SRRM3: variants seen among roughly 807,000 people sequenced by gnomAD.
SRRM3 encodes serine/arginine repetitive matrix 3.
A neutral mutation model predicts 66.2 loss-of-function variants in SRRM3; 27 were observed. The ratio of observed to expected loss-of-function variants is 0.41; its 90% CI spans 0.30 to 0.56. The LOEUF (loss-of-function observed/expected upper bound fraction) is 0.56, where lower values mean the gene tolerates loss of function less well. Among genes scored for constraint, SRRM3 ranks in the 20% least tolerant of loss-of-function variants. SRRM3 has a pLI of 0.32. For synonymous variants in SRRM3, 391 were observed against 414.9 expected (o/e 0.94, Z 0.70); for missense variants, 918 against 991.9 (o/e 0.93, Z 1.00).
chr7:76,240,622 A>T (rs1249264990), intron 2 of SRRM3, among the ~76,000 whole-genome samples: 1 of 119,736 alleles, frequency 8.4e-6, no homozygotes, highest in Non-Finnish European at 1.5e-5. Context: ...TCCATCTCAA[A>T]AAAAAAAAAA....
intron 1 of SRRM3, among the ~76,000 whole-genome samples, chr7:76,215,394 G>GTTT (rs1170079332): frequency 0.014 from 1,319 of 95,116 alleles, 90 homozygotes; most frequent in East Asian, 0.035. Context: ...GGAGCCCGCA[G>GTTT]TTTTTTTTTT....
intron 2 of SRRM3, among the ~76,000 whole-genome samples, chr7:76,247,515 C>T (rs1031470520): frequency 2.6e-5 from 4 of 152,076 alleles, no homozygotes; most frequent in Non-Finnish European, 5.9e-5. Flanking sequence ...CTCGAAAGAG[C>T]GACTGCAGTC....
Position 76,262,910 on chromosome 7 carries a change from G to C in SRRM3, c.674+1329G>C, listed in dbSNP as rs550626323. On this transcript the variant is annotated intron_variant, in intron 8 of 14. Transcript: ENST00000611745. Reference sequence around the variant, plus strand: ...GAGGAGAGCTCGGAAGGAAGTTGTGGGGCAGTCACATTCCAGAGGTGGCAT... The same window carrying C: ...GAGGAGAGCTCGGAAGGAAGTTGTGCGGCAGTCACATTCCAGAGGTGGCAT... Among the ~76,000 whole-genome samples, 5 of 152,270 alleles carry C rather than the reference G, an allele frequency of 3.3e-5. No homozygotes were observed. In the South Asian group the frequency reaches 1.0e-3, roughly 32 times the overall value.
rs781852712 is a variant in SRRM3, at chr7:76,263,877, C to CAAAAAA, written c.675-865_675-860dup. ...AACAGAGCGGGACTCTGTCTCAAGA[C>CAAAAAA]AAAAAAAAAAAAAAAAAAAAAAAAA... is the stretch of plus-strand genomic sequence containing the variant. On this transcript the variant is annotated intron_variant, in intron 8 of 14. Transcript: ENST00000611745. 1.7e-3 allele frequency among the ~76,000 whole-genome samples: 83 copies of CAAAAAA among 49,528 alleles called. 12 individuals carry two copies. The highest frequency in any genetic ancestry group is 4.2e-3 in the African/African-American group (70 of 16,618). 32.5% of individuals were successfully genotyped at this position (49,528 alleles called of 152,430 possible).
chr7:76,218,332 G>T (rs782121546), intron 1 of SRRM3, among the ~76,000 whole-genome samples: 19 of 152,154 alleles, frequency 1.2e-4, no homozygotes, highest in Non-Finnish European at 1.0e-4. Context: ...CACAGAGACC[G>T]CCACCTGCCA....
At position 76,260,040 on chromosome 7, in the gene SRRM3, C is replaced by T; in HGVS notation, c.464+6C>T. ...CGCGGCCACCGCGGGTACAGGTCAG[C>T]GGCCGCCGCGGCGGGGGTGGGGGGC... On this transcript the variant is annotated splice_donor_region_variant and intron_variant, in intron 4 of 14. Transcript: ENST00000611745. 1.3e-6 allele frequency: 2 copies of T among 1,518,132 alleles called. No homozygotes were observed. The highest frequency in any genetic ancestry group is 1.8e-6 in the Non-Finnish European group (2 of 1,139,740). The allele number at this position is 1,518,132 out of a possible 1,614,324, so 94.0% of individuals were successfully genotyped here.
chr7:76,251,098 G>A (rs782041443), intron 3 of SRRM3, among the ~76,000 whole-genome samples: 3 of 152,210 alleles, frequency 2.0e-5, no homozygotes, highest in Non-Finnish European at 4.4e-5. Flanking sequence ...GAGGAAGAGC[G>A]TGCTGCCGGC....
rs1211670148 is a variant in SRRM3, at chr7:76,287,277, T to G, written c.*1434T>G. On this transcript the variant is annotated 3_prime_UTR_variant, in exon 15 of 15. Coordinates refer to ENST00000611745, the MANE Select transcript of SRRM3 (RefSeq NM_001110199.3). ...AAAAATTGGACTCGAATAAAACCCT[T>G]GGTGCCCGGATGGTAGGTGGTGAGA... 6.6e-6 allele frequency: 1 copy of G among 152,590 alleles called. No homozygotes were observed. The highest frequency in any genetic ancestry group is 1.5e-5 in the Non-Finnish European group (1 of 68,164). The allele number at this position is 152,590 out of a possible 1,614,324, so 9.5% of individuals were successfully genotyped here.
At chr7:76,232,634 G>A (rs1801043422) in intron 1 of SRRM3, among the ~76,000 whole-genome samples, 1 of 152,050 alleles carries the variant, frequency 6.6e-6, no homozygotes, top group South Asian at 2.1e-4. Context: ...GCTTCCGGAA[G>A]GTGATAATGC....
At chr7:76,232,195 A>G (rs2116988986) in intron 1 of SRRM3, among the ~76,000 whole-genome samples, 1 of 152,250 alleles carries the variant, frequency 6.6e-6, no homozygotes, top group Middle Eastern at 3.4e-3. Context: ...CCCTCAGCCC[A>G]GGGGGAGCCA....
chr7:76,237,628 T>C (rs770312769), intron 2 of SRRM3, among the ~76,000 whole-genome samples: 4 of 152,108 alleles, frequency 2.6e-5, no homozygotes, highest in Non-Finnish European at 5.9e-5. Flanking sequence ...TGCGAAATTC[T>C]GTCTGGAGAG....
chr7:76,233,534 C>T (rs1294284737), intron 1 of SRRM3, among the ~76,000 whole-genome samples: 3 of 152,078 alleles, frequency 2.0e-5, no homozygotes, highest in African/African-American at 7.2e-5. Context: ...TGTGGAGTGT[C>T]CTGGGAAAAC....
chr7:76,223,272 C>G (rs78752858), intron 1 of SRRM3, among the ~76,000 whole-genome samples: 1 of 152,182 alleles, frequency 6.6e-6, no homozygotes, highest in Admixed American at 6.5e-5. Flanking sequence ...TCCTTACCCC[C>G]CCAGCCCCAC....
chr7:76,286,640 G>A lies in SRRM3; in HGVS notation c.*797G>A, dbSNP rs984393363. On this transcript the variant is annotated 3_prime_UTR_variant, in exon 15 of 15. Coordinates refer to ENST00000611745, the MANE Select transcript of SRRM3 (RefSeq NM_001110199.3). Reference sequence around the variant, plus strand: ...TGACTACTGCATGACAAGAGGTGGGGGGTACAGACCTCAGGTACATTTGAC... The same window carrying A: ...TGACTACTGCATGACAAGAGGTGGGAGGTACAGACCTCAGGTACATTTGAC... The A allele has an allele frequency of 2.0e-5, 3 of 152,446 alleles. No homozygotes were observed. The highest frequency in any genetic ancestry group is 4.8e-5 in the African/African-American group (2 of 41,454). 9.4% of individuals were successfully genotyped at this position (152,446 alleles called of 1,614,324 possible). A position where few individuals can be genotyped will look rare whatever the true frequency, so the allele number is the denominator to read the frequency against.
At chr7:76,269,653 G>T (rs782761143) in intron 11 of SRRM3, 1 of 151,992 alleles carries the variant, frequency 6.6e-6, no homozygotes, top group Non-Finnish European at 1.5e-5. Context: ...CATTTGAAAC[G>T]TGGTAATACT....
In SRRM3 at chr7:76,260,209, G is replaced by C. The variant is rs1219208264; in HGVS notation, c.545+12G>C. The stretch of plus-strand genomic sequence containing the variant: ...CACCGGAGAAGCCGGTGAGAACCGC[G>C]CCTGACCGGAGCGGGAAGGGAGGAG... On this transcript the variant is annotated intron_variant, in intron 5 of 14. Transcript: ENST00000611745. 3.7e-5 allele frequency: 57 copies of C among 1,526,054 alleles called. No individual in the cohort carries two copies. The highest frequency in any genetic ancestry group is 4.7e-5 in the Non-Finnish European group (53 of 1,139,072). The allele number at this position is 1,526,054 out of a possible 1,614,324, so 94.5% of individuals were successfully genotyped here.
At chr7:76,274,814 T>C (rs1296753671) in intron 11 of SRRM3, among the ~76,000 whole-genome samples, 1 of 152,134 alleles carries the variant, frequency 6.6e-6, no homozygotes, top group African/African-American at 2.4e-5. Flanking sequence ...CTACAGAAAT[T>C]TGGCATTCTG....
At chr7:76,204,371 C>T (rs1338275033) in intron 1 of SRRM3, among the ~76,000 whole-genome samples, 1 of 152,194 alleles carries the variant, frequency 6.6e-6, no homozygotes, top group African/African-American at 2.4e-5. Flanking sequence ...GGTCCTGTAA[C>T]TTCGTATACA....
chr7:76,212,887 C>T (rs1257236627), intron 1 of SRRM3, among the ~76,000 whole-genome samples: 2 of 152,118 alleles, frequency 1.3e-5, no homozygotes, highest in African/African-American at 4.8e-5. Context: ...CCCTCTTCCT[C>T]TACCTCCCTG....
Sources: allele counts gnomAD v4.1 joint callset (sites outside exome capture counted in the v4.1 genomes callset), GRCh38; gene constraint gnomAD v4.1.1; transcripts MANE v1.5; gene names NCBI Gene and HGNC (gene_info 2026-07-23, HGNC 2026-07-21).